TMEM132C: variants seen among roughly 807,000 people sequenced by gnomAD.
The protein encoded by TMEM132C is transmembrane protein 132C.
TMEM132C carries 29 observed loss-of-function variants against 61.4 expected under a neutral mutation model. That is an observed-to-expected ratio of 0.47 (90% CI 0.35 to 0.64). The LOEUF (loss-of-function observed/expected upper bound fraction) is 0.64, where lower values mean the gene tolerates loss of function less well. TMEM132C is among the 30% of genes least tolerant of loss of function. The pLI, the probability that TMEM132C is intolerant of heterozygous loss-of-function variation, is 0.00. For synonymous variants in TMEM132C, 656 were observed against 633.1 expected, an observed-to-expected ratio of 1.04 and a Z score of -0.54; for missense variants, 1,408 against 1,476.9, an observed-to-expected ratio of 0.95 and a Z score of 0.76.
At chr12:128,614,958 C>G (rs1282237817) in intron 3 of TMEM132C, among the ~76,000 whole-genome samples, 3 of 152,208 alleles carry the variant, frequency 2.0e-5, no homozygotes, top group African/African-American at 7.2e-5. Flanking sequence ...ATGTGAGGGC[C>G]TGGATGCCAG....
intron 4 of TMEM132C, among the ~76,000 whole-genome samples, chr12:128,635,376 G>A (rs970984232): frequency 1.3e-5 from 2 of 152,056 alleles, no homozygotes; most frequent in African/African-American, 4.8e-5. Flanking sequence ...AAGAACCTTA[G>A]GTGGGTGCAG....
chr12:128,292,791 G>A (rs1871287301), intron 1 of TMEM132C, among the ~76,000 whole-genome samples: 1 of 144,418 alleles, frequency 6.9e-6, no homozygotes, highest in Non-Finnish European at 1.5e-5. Context: ...TCTGTTAAGT[G>A]TACAATAAGA....
intron 5 of TMEM132C, among the ~76,000 whole-genome samples, chr12:128,675,950 A>T (rs1311339395): frequency 1.3e-5 from 2 of 152,178 alleles, no homozygotes; most frequent in African/African-American, 4.8e-5. Flanking sequence ...AAGGCCTTTT[A>T]ACTCTAACTA....
intron 2 of TMEM132C, among the ~76,000 whole-genome samples, chr12:128,473,137 T>C (rs112232011): frequency 7.6e-4 from 14 of 18,456 alleles, no homozygotes; most frequent in Admixed American, 1.0e-3. Flanking sequence ...CATCTTCATC[T>C]TCACTCCAGC....
chr12:128,578,798 A>G (rs1593106810), intron 3 of TMEM132C, among the ~76,000 whole-genome samples: 1 of 152,052 alleles, frequency 6.6e-6, no homozygotes, highest in East Asian at 1.9e-4. Flanking sequence ...GGGTTTCGCC[A>G]TGTTCGTCAG....
chr12:128,421,642 G>C (rs1352188264), intron 2 of TMEM132C, among the ~76,000 whole-genome samples: 4 of 152,220 alleles, frequency 2.6e-5, no homozygotes, highest in Admixed American at 2.0e-4. Context: ...GATTTTGTTT[G>C]CAACTTCACA....
chr12:128,461,901 C>T (rs1870544936), intron 2 of TMEM132C, among the ~76,000 whole-genome samples: 1 of 152,144 alleles, frequency 6.6e-6, no homozygotes, highest in Non-Finnish European at 1.5e-5. Context: ...GCTTCTCAGG[C>T]AGAGATTTCA....
chr12:128,664,983 G>A (rs1374761761), intron 4 of TMEM132C, among the ~76,000 whole-genome samples: 1 of 133,564 alleles, frequency 7.5e-6, no homozygotes, highest in Non-Finnish European at 1.6e-5. Flanking sequence ...ATACACACAG[G>A]CACATGCACC....
rs551830815 is a variant in TMEM132C at position 128,694,061 on chromosome 12, A to G, written c.1655+27A>G. 1.9e-6 allele frequency: 3 copies of G among 1,548,944 alleles called. No individual in the cohort carries two copies. The East Asian group carries it at 7.3e-5, about 38-fold the overall frequency. ...TGAGCCTCGGATGGGGAGATGCCCT[A>G]GAGCCAAAACAACAACTTTATTTAC... On this transcript the variant is annotated intron_variant, in intron 6 of 8. Coordinates refer to ENST00000435159, the MANE Select transcript of TMEM132C (RefSeq NM_001136103.3).
chr12:128,269,674 C>G (rs918199156), intron 1 of TMEM132C, among the ~76,000 whole-genome samples: 3 of 152,154 alleles, frequency 2.0e-5, no homozygotes, highest in Non-Finnish European at 2.9e-5. Context: ...AACTTATCAT[C>G]TGCAAAATAC....
At chr12:128,401,459 C>G (rs1020578752) in intron 1 of TMEM132C, among the ~76,000 whole-genome samples, 1 of 152,074 alleles carries the variant, frequency 6.6e-6, no homozygotes, top group East Asian at 1.9e-4. Context: ...GATACTTGCT[C>G]CTGTATTTAG....
intron 3 of TMEM132C, among the ~76,000 whole-genome samples, chr12:128,614,625 T>C (rs1266966734): frequency 6.6e-6 from 1 of 152,238 alleles, no homozygotes; most frequent in Admixed American, 6.5e-5. Flanking sequence ...CTTTCCTTTA[T>C]TGGCTTTAAT....
chr12:128,380,164 A>G (rs183356078), intron 1 of TMEM132C, among the ~76,000 whole-genome samples: 1 of 152,368 alleles, frequency 6.6e-6, no homozygotes, highest in East Asian at 1.9e-4. Context: ...TTATTTTACT[A>G]CACAGAAAGG....
At chr12:128,662,891 T>TACTA (rs1469681873) in intron 4 of TMEM132C, among the ~76,000 whole-genome samples, 3 of 152,170 alleles carry the variant, frequency 2.0e-5, no homozygotes, top group Non-Finnish European at 4.4e-5. Context: ...AAAGTTGCTT[T>TACTA]ACTAGGCAGA....
chr12:128,506,718 C>G (rs887450118), intron 2 of TMEM132C, among the ~76,000 whole-genome samples: 1 of 152,192 alleles, frequency 6.6e-6, no homozygotes, highest in Non-Finnish European at 1.5e-5. Context: ...ATCCCAGTGG[C>G]TCCCATGCTC....
At position 128,378,445 on chromosome 12, in the gene TMEM132C, A is replaced by G. The variant is rs1207429764; in HGVS notation, c.86-36287A>G. Among the ~76,000 whole-genome samples, 10 of 152,032 alleles carry G rather than the reference A, an allele frequency of 6.6e-5. No homozygotes were observed. The East Asian group carries it at 1.6e-3, about 24-fold the overall frequency. ...GCAGATTTTTTTAAAAAAATTAAGT[A>G]CCTCTATTCATTTGCACCTTCACTA... On this transcript the variant is annotated intron_variant, in intron 1 of 8. Coordinates refer to ENST00000435159, the MANE Select transcript of TMEM132C (RefSeq NM_001136103.3).
chr12:128,578,016 T>C (rs1875183279), intron 3 of TMEM132C, among the ~76,000 whole-genome samples: 1 of 152,270 alleles, frequency 6.6e-6, no homozygotes, highest in Non-Finnish European at 1.5e-5. Flanking sequence ...TAACTCATTT[T>C]TTTCTTCTTA....
chr12:128,323,668 A>T (rs1229696831), intron 1 of TMEM132C, among the ~76,000 whole-genome samples: 1 of 152,138 alleles, frequency 6.6e-6, no homozygotes, highest in African/African-American at 2.4e-5. Context: ...ACGGTAACAG[A>T]GTGTGGATCA....
chr12:128,611,932 A>G (rs1264282929), intron 3 of TMEM132C, among the ~76,000 whole-genome samples: 2 of 152,354 alleles, frequency 1.3e-5, no homozygotes, highest in Non-Finnish European at 2.9e-5. Flanking sequence ...TCTCCACGAA[A>G]GGGTCAAGTT....
Sources: allele counts gnomAD v4.1 joint callset (sites outside exome capture counted in the v4.1 genomes callset), GRCh38; gene constraint gnomAD v4.1.1; transcripts MANE v1.5; gene names NCBI Gene and HGNC (gene_info 2026-07-23, HGNC 2026-07-21).